Variants in HIP1 observed in about 807,000 individuals in gnomAD.
The protein encoded by HIP1 is huntingtin-interacting protein 1.
HIP1 carries 65 observed loss-of-function variants against 147.6 expected under a neutral mutation model. The observed-to-expected ratio is 0.44, with a 90% CI of 0.36 to 0.54. The LOEUF (loss-of-function observed/expected upper bound fraction) is 0.54, where lower values mean the gene tolerates loss of function less well. HIP1 is among the 20% of genes least tolerant of loss of function. HIP1 has a pLI of 0.00. For synonymous variants in HIP1, 479 were observed against 504.0 expected, an observed-to-expected ratio of 0.95 and a Z score of 0.67; for missense variants, 1,061 against 1,299.6, an observed-to-expected ratio of 0.82 and a Z score of 2.82.
intron 1 of HIP1, among the ~76,000 whole-genome samples, chr7:75,719,668 G>T (rs576856083): frequency 6.6e-6 from 1 of 151,966 alleles, no homozygotes; most frequent in African/African-American, 2.4e-5. Context: ...TGATCCACTC[G>T]CCTTGGCCTC....
Position 75,559,922 on chromosome 7 carries a change from G to C in HIP1, c.1192-7C>G, listed in dbSNP as rs1449328643. 2 of 1,590,308 alleles carry C rather than the reference G, an allele frequency of 1.3e-6. No homozygotes were observed. The highest frequency in any genetic ancestry group is 3.5e-5 in the Admixed American group (2 of 56,394). On this transcript the variant is annotated splice_region_variant and splice_polypyrimidine_tract_variant and intron_variant, in intron 13 of 30. Coordinates refer to ENST00000336926, the MANE Select transcript of HIP1 (RefSeq NM_005338.7). ...GCAGCACAACCCGCTGGCTCTGTGG[G>C]GGGACTCCGGTCATGAGGCCAACCG...
At chr7:75,587,194 G>A (rs1251988851) in intron 4 of HIP1, among the ~76,000 whole-genome samples, 1 of 152,080 alleles carries the variant, frequency 6.6e-6, no homozygotes, top group African/African-American at 2.4e-5. Flanking sequence ...ACCTGCTTTG[G>A]CCTCCCAAAA....
chr7:75,549,740 G>C (rs1794710663), intron 22 of HIP1, among the ~76,000 whole-genome samples: 1 of 151,728 alleles, frequency 6.6e-6, no homozygotes. Context: ...CATGATCATA[G>C]CTCACTGCAG....
chr7:75,573,977 G>A, intron 7 of HIP1, 76 bp from the exon 8 acceptor site: 1 of 1,366,652 alleles, frequency 7.3e-7, no homozygotes, highest in Non-Finnish European at 1.0e-6. Flanking sequence ...GGCAGAGGCA[G>A]GGGTCCAACA....
intron 1 of HIP1, among the ~76,000 whole-genome samples, chr7:75,724,647 C>G (rs542657208): frequency 6.6e-6 from 1 of 152,306 alleles, no homozygotes; most frequent in Non-Finnish European, 1.5e-5. Flanking sequence ...TCAGCCTTAG[C>G]TGGGATAAAG....
chr7:75,679,559 AG>A (rs1254429068), intron 1 of HIP1, among the ~76,000 whole-genome samples: 1 of 152,152 alleles, frequency 6.6e-6, no homozygotes, highest in Non-Finnish European at 1.5e-5. Context: ...TTTTCTGGTT[AG>A]TTCCCATCTA....
intron 1 of HIP1, among the ~76,000 whole-genome samples, chr7:75,647,224 A>T (rs935507668): frequency 1.2e-5 from 1 of 84,206 alleles, no homozygotes; most frequent in Non-Finnish European, 2.5e-5. Flanking sequence ...AAAAAAAAAA[A>T]AAAAAAAAAA....
chr7:75,599,190 C>A lies in HIP1; in HGVS notation c.178G>T (p.Ala60Ser), dbSNP rs782733817. 1.2e-6 allele frequency: 2 copies of A among 1,611,472 alleles called. No homozygotes were observed. The highest frequency in any genetic ancestry group is 1.7e-6 in the Non-Finnish European group (2 of 1,177,748). Reference sequence around the variant, plus strand: ...GCAACATCCAAAAGGATATTTCTGGCGTGTTTTTCCTTTACAGCCACTTCC... The same window carrying A: ...GCAACATCCAAAAGGATATTTCTGGAGTGTTTTTCCTTTACAGCCACTTCC... The part of the protein sequence containing the change: ...TQEVAVKEKH[A>S]RTCILGTHHE... Residue 60 changes from alanine to serine, a missense_variant, in exon 2 of 31, where the codon GCC becomes TCC. Physicochemically the swap from Ala to Ser is moderately conservative, Grantham distance 99 (BLOSUM62 1). Coordinates refer to ENST00000336926, the MANE Select transcript of HIP1 (RefSeq NM_005338.7).
At chr7:75,547,111 T>G in intron 24 of HIP1, 79 bp from the exon 25 acceptor site, 1 of 1,182,130 alleles carries the variant, frequency 8.5e-7, no homozygotes, top group Non-Finnish European at 1.2e-6. Flanking sequence ...TCCCCACTCC[T>G]AGCCAAAGGC....
At chr7:75,629,343 C>A (rs1055047803) in intron 1 of HIP1, among the ~76,000 whole-genome samples, 1 of 152,162 alleles carries the variant, frequency 6.6e-6, no homozygotes, top group Non-Finnish European at 1.5e-5. Flanking sequence ...CAGGCCCTCA[C>A]ACCTGTGCCC....
intron 7 of HIP1, among the ~76,000 whole-genome samples, chr7:75,575,735 G>A (rs1408641044): frequency 6.6e-6 from 1 of 152,084 alleles, no homozygotes; most frequent in Non-Finnish European, 1.5e-5. Flanking sequence ...TGGCCAGGCT[G>A]ATTTTCTTTC....
intron 1 of HIP1, among the ~76,000 whole-genome samples, chr7:75,631,933 G>A (rs943136159): frequency 6.6e-6 from 1 of 152,092 alleles, no homozygotes; most frequent in Non-Finnish European, 1.5e-5. Flanking sequence ...GGGGAAGTGG[G>A]AGGGAGAGAT....
intron 5 of HIP1, among the ~76,000 whole-genome samples, chr7:75,583,949 T>C (rs1796156801): frequency 6.8e-6 from 1 of 147,636 alleles, no homozygotes; most frequent in Non-Finnish European, 1.5e-5. Flanking sequence ...TTTTCTTTAA[T>C]GTGTGCGGGA....
intron 1 of HIP1, chr7:75,626,288 A>G (rs1798036744): frequency 6.6e-6 from 1 of 152,226 alleles, no homozygotes; most frequent in Admixed American, 6.6e-5. Context: ...CTTGAAAGCT[A>G]AAACCTCAAA....
At position 75,566,655 on chromosome 7, in the gene HIP1, C is replaced by T. The variant is rs78250612; in HGVS notation, c.803+1544G>A. Among the ~76,000 whole-genome samples, 11 of 151,380 alleles carry T rather than the reference C, an allele frequency of 7.3e-5. No individual in the cohort carries two copies. The South Asian group carries it at 8.3e-4, about 11-fold the overall frequency. ...TGTTTTACTTGTCCTTAATTTGGTC[C>T]GATGCCCAAGCCCTGCCTCCAGAGT... is the stretch of plus-strand genomic sequence containing the variant. On this transcript the variant is annotated intron_variant, in intron 9 of 30. Coordinates refer to ENST00000336926, the MANE Select transcript of HIP1 (RefSeq NM_005338.7).
In HIP1 at chr7:75,738,871, T is replaced by C. The variant is rs539912937; in HGVS notation, c.50A>G (p.Lys17Arg). Reference sequence around the variant, plus strand: ...GCCGACCCCGCGCCGGCTCAGCACCTTGGGCAGTGGGTTGGGCACCTGCTT... The same window carrying C: ...GCCGACCCCGCGCCGGCTCAGCACCCTGGGCAGTGGGTTGGGCACCTGCTT... Reference protein sequence around the residue: ...SMKQVPNPLPKVLSRRGVGAG... With the variant: ...SMKQVPNPLPRVLSRRGVGAG... Residue 17 changes from lysine (K) to arginine (R), a missense_variant, in exon 1 of 31, where the codon AAG (lysine) becomes AGG (arginine). Physicochemically the swap from Lys to Arg is conservative, Grantham distance 26. Transcript: ENST00000336926. 2.0e-5 allele frequency: 32 copies of C among 1,576,478 alleles called. No homozygotes were observed. The highest frequency in any genetic ancestry group is 1.2e-4 in the South Asian group (10 of 86,246).
At chr7:75,540,432 C>CAA (rs57415264) in intron 29 of HIP1, among the ~76,000 whole-genome samples, 2 of 127,362 alleles carry the variant, frequency 1.6e-5, no homozygotes. Flanking sequence ...GACTCGGTCT[C>CAA]AAAAAAAAAA....
Position 75,675,341 on chromosome 7 carries a change from C to T in HIP1, c.120+63460G>A, listed in dbSNP as rs112343485. Among the ~76,000 whole-genome samples the T allele has an allele frequency of 7.8e-3, 1,188 of 152,192 alleles. 22 individuals are homozygous for T. Among genetic ancestry groups the T allele is most frequent in the African/African-American group, 0.027 (1,115 of 41,540 alleles). On this transcript the variant is annotated intron_variant, in intron 1 of 30. Coordinates refer to ENST00000336926, the MANE Select transcript of HIP1 (RefSeq NM_005338.7). ...TCAGCCTCCAGAGTAGCTGGGATTACGGGCACACACCACCACACCCAGCTA... is the reference window on the plus strand; with the variant it reads ...TCAGCCTCCAGAGTAGCTGGGATTATGGGCACACACCACCACACCCAGCTA...
intron 1 of HIP1, among the ~76,000 whole-genome samples, chr7:75,716,231 CT>C (rs1210598598): frequency 1.9e-4 from 29 of 149,212 alleles, no homozygotes; most frequent in African/African-American, 4.7e-4. Flanking sequence ...CCTGACTTCT[CT>C]TTTTTTTTTA....
Sources: allele counts gnomAD v4.1 joint callset (sites outside exome capture counted in the v4.1 genomes callset), GRCh38; gene constraint gnomAD v4.1.1; transcripts MANE v1.5; gene names NCBI Gene and HGNC (gene_info 2026-07-23, HGNC 2026-07-21).